Variants in SLC25A42 observed in about 807,000 individuals in gnomAD.
SLC25A42 encodes mitochondrial coenzyme A transporter SLC25A42.
A neutral mutation model predicts 34.7 loss-of-function variants in SLC25A42; 19 were observed. The ratio of observed to expected loss-of-function variants is 0.55; its 90% confidence interval spans 0.38 to 0.80. SLC25A42 has a LOEUF of 0.80. SLC25A42 is among the 30% of genes least tolerant of loss of function. The probability of loss-of-function intolerance (pLI) is 0.00; values close to 1 mark genes in which losing one functional copy is unlikely to be tolerated. For missense variants in SLC25A42, 364 were observed against 441.3 expected, an observed-to-expected ratio of 0.82 and a Z score of 1.57; for synonymous variants, 205 against 191.2, an observed-to-expected ratio of 1.07 and a Z score of -0.59.
chr19:19,111,785 C>T lies in SLC25A42; in HGVS notation c.*909C>T, dbSNP rs890171597. 1.3e-5 allele frequency: 2 copies of T among 152,302 alleles called. No homozygotes were observed. The highest frequency in any genetic ancestry group is 4.8e-5 in the African/African-American group (2 of 41,460). 9.4% of individuals were successfully genotyped at this position (152,302 alleles called of 1,614,324 possible). On this transcript the variant is annotated 3_prime_UTR_variant, in exon 8 of 8. Transcript: ENST00000318596. The stretch of plus-strand genomic sequence containing the variant: ...CAACCCTCTGCCCAGCTGTGGTATC[C>T]AGCAGGTCCTTGGGTCCCCACTTGA...
In SLC25A42 at chr19:19,089,801, A is replaced by G. The variant is rs1021440916; in HGVS notation, c.-34-6290A>G. 4.0e-5 allele frequency among the ~76,000 whole-genome samples: 6 copies of G among 151,148 alleles called. No homozygotes were observed. The East Asian group carries it at 8.0e-4, about 20-fold the overall frequency. ...GGAGAATCACTTGAACCTGGGAGGC[A>G]GAGGTTACAGTGAGCCGAGATCACA... is the stretch of plus-strand genomic sequence containing the variant. On this transcript the variant is annotated intron_variant, in intron 1 of 7. Transcript: ENST00000318596.
At chr19:19,071,822 C>T (rs904117267) in intron 1 of SLC25A42, among the ~76,000 whole-genome samples, 22 of 151,730 alleles carry the variant, frequency 1.4e-4, no homozygotes, top group African/African-American at 5.1e-4. Flanking sequence ...GCCAAGATTG[C>T]ACCACTGCAC....
chr19:19,098,542 G>A (rs1401716223), intron 2 of SLC25A42, among the ~76,000 whole-genome samples: 1 of 152,192 alleles, frequency 6.6e-6, no homozygotes, highest in East Asian at 1.9e-4. Context: ...GCTGCAGTGA[G>A]CTATGATCAT....
chr19:19,077,659 G>A (rs2059661553), intron 1 of SLC25A42, among the ~76,000 whole-genome samples: 1 of 152,184 alleles, frequency 6.6e-6, no homozygotes, highest in Non-Finnish European at 1.5e-5. Context: ...AGGCCAAGAT[G>A]GGCAGATCAC....
intron 1 of SLC25A42, among the ~76,000 whole-genome samples, chr19:19,075,557 G>A (rs1267548367): frequency 6.6e-6 from 1 of 152,200 alleles, no homozygotes; most frequent in Non-Finnish European, 1.5e-5. Flanking sequence ...GCAAGGCTGG[G>A]CCTCGGAGCC....
At chr19:19,077,029 T>G (rs1381159352) in intron 1 of SLC25A42, among the ~76,000 whole-genome samples, 1 of 151,846 alleles carries the variant, frequency 6.6e-6, no homozygotes, top group African/African-American at 2.4e-5. Flanking sequence ...ACAAAAAATT[T>G]AAAATTTAGC....
At chr19:19,071,517 T>C (rs940894807) in intron 1 of SLC25A42, among the ~76,000 whole-genome samples, 1 of 152,084 alleles carries the variant, frequency 6.6e-6, no homozygotes, top group Non-Finnish European at 1.5e-5. Context: ...CAGGAAACTC[T>C]GGGAGATCTG....
chr19:19,108,422 A>C (rs998050123), intron 7 of SLC25A42, among the ~76,000 whole-genome samples: 1 of 152,058 alleles, frequency 6.6e-6, no homozygotes, highest in Non-Finnish European at 1.5e-5. Flanking sequence ...GGTGGCACAC[A>C]CCTGTGGTCC....
At chr19:19,076,063 G>A (rs899994608) in intron 1 of SLC25A42, among the ~76,000 whole-genome samples, 1 of 152,214 alleles carries the variant, frequency 6.6e-6, no homozygotes, top group Non-Finnish European at 1.5e-5. Flanking sequence ...AGCAGAGCGA[G>A]TGGTTTCCCA....
At position 19,074,619 on chromosome 19, in the gene SLC25A42, G is replaced by A. The variant is rs2059646583; in HGVS notation, c.-35+10504G>A. On this transcript the variant is annotated intron_variant, in intron 1 of 7. Coordinates refer to ENST00000318596, the MANE Select transcript of SLC25A42 (RefSeq NM_178526.5). ...TAAACGGTGGGCCTGTCTTATGTCT[G>A]GTCGGGAAGCTATGAGACAGGCTCA... Among the ~76,000 whole-genome samples the A allele has an allele frequency of 2.0e-5, 3 of 152,224 alleles. No homozygotes were observed. In the South Asian group the frequency reaches 6.2e-4, roughly 32 times the overall value.
intron 1 of SLC25A42, among the ~76,000 whole-genome samples, chr19:19,069,828 CTT>C (rs775484703): frequency 2.9e-4 from 41 of 139,664 alleles, no homozygotes; most frequent in Non-Finnish European, 3.0e-4. Flanking sequence ...ATCTCCTCTT[CTT>C]TTTTTTTTTT....
At chr19:19,101,939 T>C in intron 3 of SLC25A42, 53 bp downstream of exon 3, 1 of 1,222,964 alleles carries the variant, frequency 8.2e-7, no homozygotes, top group Non-Finnish European at 1.2e-6. Flanking sequence ...GGTCACCTCC[T>C]CCTTCATGGC....
At chr19:19,091,183 G>A (rs1360482363) in intron 1 of SLC25A42, among the ~76,000 whole-genome samples, 3 of 152,160 alleles carry the variant, frequency 2.0e-5, no homozygotes, top group East Asian at 3.9e-4. Flanking sequence ...TGGGCTGGGC[G>A]CGGTGGCTCA....
At chr19:19,099,022 A>C (rs2059780606) in intron 2 of SLC25A42, among the ~76,000 whole-genome samples, 1 of 152,202 alleles carries the variant, frequency 6.6e-6, no homozygotes, top group South Asian at 2.1e-4. Context: ...CTCTCCATGG[A>C]ATATTCCATT....
At chr19:19,067,781 A>T (rs1227332291) in intron 1 of SLC25A42, among the ~76,000 whole-genome samples, 1 of 151,618 alleles carries the variant, frequency 6.6e-6, no homozygotes, top group Non-Finnish European at 1.5e-5. Context: ...AGAGATTGAG[A>T]CGAGTCAGAT....
chr19:19,107,812 G>A lies in SLC25A42; in HGVS notation c.498-82G>A, dbSNP rs899658372. 8 of 1,499,486 alleles carry A rather than the reference G, an allele frequency of 5.3e-6. No homozygotes were observed. The East Asian group carries it at 9.1e-5, about 17-fold the overall frequency. The allele number at this position is 1,499,486 out of a possible 1,614,324, so 92.9% of individuals were successfully genotyped here. On this transcript the variant is annotated intron_variant, in intron 6 of 7. Transcript: ENST00000318596. ...GACACACCCAGGCCCAGCCGGCTTCGGGAGGAGCCGAGAGCCTCTGTGGCT... is the reference window on the plus strand; with the variant it reads ...GACACACCCAGGCCCAGCCGGCTTCAGGAGGAGCCGAGAGCCTCTGTGGCT...
chr19:19,106,240 G>T, intron 5 of SLC25A42, 29 bp from the exon 6 acceptor site: 3 of 1,589,566 alleles, frequency 1.9e-6, no homozygotes, highest in African/African-American at 1.3e-5. Flanking sequence ...CCTCACTGCC[G>T]TCTCGCCTTC....
Position 19,106,307 on chromosome 19 carries a change from T to C in SLC25A42, c.419T>C (p.Leu140Pro). 1 of 1,613,276 alleles carries C rather than the reference T, an allele frequency of 6.2e-7. No homozygotes were observed. The highest frequency in any genetic ancestry group is 8.5e-7 in the Non-Finnish European group (1 of 1,179,914). ...TGGCCTCGCCTCTTCGCCGGCGCAC[T>C]GGCTGGAACGACAGCCGCTTCACTG... ...PPWPRLFAGA[L>P]AGTTAASLTY... Residue 140 changes from leucine to proline, a missense_variant, in exon 6 of 8, where the codon CTG becomes CCG. By Grantham distance (98) the Leu-to-Pro change is moderately conservative. Transcript: ENST00000318596.
chr19:19,107,168 T>A (rs940837916), intron 6 of SLC25A42, among the ~76,000 whole-genome samples: 4 of 151,230 alleles, frequency 2.6e-5, no homozygotes, highest in Non-Finnish European at 5.9e-5. Context: ...AACTGAAATA[T>A]TAGCCTGATG....
Sources: allele counts gnomAD v4.1 joint callset (sites outside exome capture counted in the v4.1 genomes callset), GRCh38; gene constraint gnomAD v4.1.1; transcripts MANE v1.5; gene names NCBI Gene and HGNC (gene_info 2026-07-23, HGNC 2026-07-21).